Variants in UROC1 observed in about 807,000 individuals in gnomAD.
UROC1 encodes the protein urocanate hydratase 1.
UROC1 carries 79 observed loss-of-function variants against 89.5 expected under a neutral mutation model. The ratio of observed to expected loss-of-function variants is 0.88; its 90% CI spans 0.74 to 1.06. The LOEUF (loss-of-function observed/expected upper bound fraction) is 1.06. Ranked by LOEUF, UROC1 falls within the 50% of genes least tolerant of loss-of-function variation. The probability of loss-of-function intolerance (pLI) is 0.00; values close to 1 mark genes in which losing one functional copy is unlikely to be tolerated. For synonymous variants in UROC1, 361 were observed against 354.8 expected, an observed-to-expected ratio of 1.02 and a Z score of -0.20; for missense variants, 885 against 907.8, an observed-to-expected ratio of 0.97 and a Z score of 0.32.
chr3:126,500,915 CCTGGGCCCAGAGT>C, intron 10 of UROC1, 41 bp from the exon 11 acceptor site: 1 of 841,980 alleles, frequency 1.2e-6, no homozygotes, highest in Non-Finnish European at 1.7e-6. Flanking sequence ...CCACACACAG[CCTGGGCCCAGAGT>C]CTGGGGCCAG....
rs1445155004 is a variant in UROC1, at chr3:126,498,158, T to A, written c.1331A>T (p.Gln444Leu). Residue 444 changes from glutamine (Q) to leucine (L), a missense_variant, in exon 14 of 20, where the codon CAG (glutamine) becomes CTG (leucine). By Grantham distance (113) the Gln-to-Leu change is moderately radical (BLOSUM62 -2). Coordinates refer to ENST00000290868, the MANE Select transcript of UROC1 (RefSeq NM_144639.3). ...VQHIMGDIFS[Q>L]GFGPFRWVCT... The stretch of plus-strand genomic sequence containing the variant: ...CACCCAGCGGAAAGGCCCAAATCCC[T>A]GGGAGAATATGTCCCTGCAAGCACA... The A allele has an allele frequency of 1.2e-6, 2 of 1,614,086 alleles. No homozygotes were observed. Among genetic ancestry groups the A allele is most frequent in the Non-Finnish European group, 1.7e-6 (2 of 1,180,030 alleles).
Position 126,507,930 on chromosome 3 carries a change from C to A in UROC1, c.540+37G>T, listed in dbSNP as rs189022378. ...CAGCGTCTGCACCCTCTCTTTGGAG[C>A]CCTGGGCAGGTGCTGTGCCACCTGC... On this transcript the variant is annotated intron_variant, in intron 5 of 19. Transcript: ENST00000290868. The A allele has an allele frequency of 5.0e-4, 799 of 1,613,616 alleles. 4 individuals carry two copies. In the African/African-American group the frequency reaches 9.5e-3, roughly 19 times the overall value.
Position 126,483,486 on chromosome 3 carries a change from GTT to G in UROC1, c.1791-20_1791-19del. 6.2e-7 allele frequency: 1 copy of G among 1,610,808 alleles called. No individual in the cohort carries two copies. ...CCTCACCCCTGCAGGAGGCAGAGGA[GTT>G]TCCAGTTCATTCCTGGGGCCCAACA... On this transcript the variant is annotated intron_variant, in intron 18 of 19. Transcript: ENST00000290868.
At chr3:126,506,040 G>A in intron 6 of UROC1, 29 bp from the exon 7 acceptor site, 1 of 1,613,146 alleles carries the variant, frequency 6.2e-7, no homozygotes, top group Non-Finnish European at 8.5e-7. Context: ...GCCAAGCCCA[G>A]GGCTCAGCCA....
In UROC1 at chr3:126,483,454, T is replaced by C. The variant is rs1205348607; in HGVS notation, c.1805A>G (p.Asn602Ser). The C allele has an allele frequency of 2.5e-6, 4 of 1,613,858 alleles. No homozygotes were observed. The highest frequency in any genetic ancestry group is 3.4e-6 in the Non-Finnish European group (4 of 1,180,022). ...GTCCAGCACGAGGCCGAATCCCCCG[T>C]TGATCACCTCACCCCTGCAGGAGGC... ...GGGVGWGEVI[N>S]GGFGLVLDGT... The change falls in exon 19 of 20, where the codon AAC becomes AGC. Residue 602 changes from asparagine (N) to serine (S), a missense_variant. Transcript: ENST00000290868.
chr3:126,484,533 C>T (rs1935468567), intron 18 of UROC1, among the ~76,000 whole-genome samples: 1 of 152,196 alleles, frequency 6.6e-6, no homozygotes, highest in Non-Finnish European at 1.5e-5. Context: ...TGTCTCAAAT[C>T]CTTCAGGCCC....
In UROC1 at chr3:126,504,050, G is replaced by T; in HGVS notation, c.847C>A (p.Gln283Lys). 6.2e-7 allele frequency: 1 copy of T among 1,614,030 alleles called. No homozygotes were observed. The highest frequency in any genetic ancestry group is 8.5e-7 in the Non-Finnish European group (1 of 1,180,030). ...TCAGTCACTTCCATCAGCCAGCCCTGCCTGTGGCGTTTCTCAAGGGCTGCT... is the reference window on the plus strand; with the variant it reads ...TCAGTCACTTCCATCAGCCAGCCCTTCCTGTGGCGTTTCTCAAGGGCTGCT... Reference protein sequence around the residue: ...DKAALEKRHRQGWLMEVTDSL... With the variant: ...DKAALEKRHRKGWLMEVTDSL... Residue 283 changes from glutamine (Q) to lysine (K), a missense_variant, in exon 9 of 20, where the codon CAG (glutamine) becomes AAG (lysine). Transcript: ENST00000290868.
chr3:126,492,142 A>T (rs1412600217), intron 16 of UROC1, among the ~76,000 whole-genome samples: 1 of 151,908 alleles, frequency 6.6e-6, no homozygotes, highest in East Asian at 1.9e-4. Context: ...TCCCCAGCAG[A>T]GCCCTACTAC....
chr3:126,500,126 T>G lies in UROC1; in HGVS notation c.1174A>C (p.Arg392=). The change falls in exon 12 of 20, where the codon AGG becomes CGG. Residue 392 remains arginine (R), a synonymous_variant. Transcript: ENST00000290868. ...AAGAAGAACTTCTCCTCGGCCAACC[T>G]GTTGATGGCTGAGACTTGCCTCCTC... ...SLRRQVSAIN[R]LAEEKFFFWD... 6.2e-7 allele frequency: 1 copy of G among 1,613,840 alleles called. No homozygotes were observed. Among genetic ancestry groups the G allele is most frequent in the Non-Finnish European group, 8.5e-7 (1 of 1,179,944 alleles).
intron 1 of UROC1, among the ~76,000 whole-genome samples, chr3:126,515,494 C>G (rs1393843450): frequency 4.7e-4 from 66 of 140,732 alleles, no homozygotes; most frequent in African/African-American, 1.6e-3. Context: ...CTACCACCTA[C>G]CCCTTCCACT....
Position 126,501,091 on chromosome 3 carries a change from C to G in UROC1, c.965+127G>C, listed in dbSNP as rs1438493807. On this transcript the variant is annotated intron_variant, in intron 10 of 19. Transcript: ENST00000290868. ...AAGCTTGGGTAAGGGTGTGGGCCAACAAGGGTGGCGCTGAACTGGGGCTCA... is the reference window on the plus strand; with the variant it reads ...AAGCTTGGGTAAGGGTGTGGGCCAAGAAGGGTGGCGCTGAACTGGGGCTCA... 78 of 1,227,484 alleles carry G rather than the reference C, an allele frequency of 6.4e-5. No individual in the cohort carries two copies. In the East Asian group the frequency reaches 1.8e-3, roughly 29 times the overall value. 76.0% of individuals were successfully genotyped at this position (1,227,484 alleles called of 1,614,324 possible). A position where few individuals can be genotyped will look rare whatever the true frequency, so the allele number is the denominator to read the frequency against.
intron 13 of UROC1, among the ~76,000 whole-genome samples, chr3:126,498,888 C>T (rs923547168): frequency 3.3e-5 from 5 of 152,146 alleles, no homozygotes; most frequent in East Asian, 1.9e-4. Flanking sequence ...CTCTGGCTCC[C>T]GCCCTCATCC....
intron 14 of UROC1, 126 bp downstream of exon 14, chr3:126,497,923 CAA>C: frequency 1.9e-6 from 3 of 1,547,536 alleles, no homozygotes; most frequent in African/African-American, 1.4e-5. Context: ...ACCAGACTCA[CAA>C]AGTCATCTGC....
chr3:126,490,228 C>T (rs1282932675), intron 16 of UROC1, among the ~76,000 whole-genome samples: 2 of 152,188 alleles, frequency 1.3e-5, no homozygotes, highest in African/African-American at 4.8e-5. Flanking sequence ...GGCAGCACTC[C>T]TTGTTCCCCA....
At chr3:126,485,397 G>A (rs993202351) in intron 18 of UROC1, among the ~76,000 whole-genome samples, 1 of 151,948 alleles carries the variant, frequency 6.6e-6, no homozygotes, top group Non-Finnish European at 1.5e-5. Flanking sequence ...CTGTCCATCG[G>A]GGCATCATCC....
At chr3:126,499,481 A>C in intron 12 of UROC1, 72 bp from the exon 13 acceptor site, 9 of 1,431,738 alleles carry the variant, frequency 6.3e-6, no homozygotes, top group Middle Eastern at 1.7e-4. Flanking sequence ...CAACTTAAAC[A>C]CAGGGCCCAG....
intron 15 of UROC1, among the ~76,000 whole-genome samples, chr3:126,494,403 C>G (rs978120954): frequency 1.3e-5 from 2 of 152,212 alleles, no homozygotes; most frequent in Non-Finnish European, 2.9e-5. Context: ...CACCCCATCT[C>G]TGCACTGACC....
chr3:126,498,752 T>TTCTC (rs1935842416), intron 13 of UROC1, among the ~76,000 whole-genome samples: 1 of 152,126 alleles, frequency 6.6e-6, no homozygotes, highest in Admixed American at 6.5e-5. Flanking sequence ...GCATTTGCCT[T>TTCTC]TCTCACCTCC....
At chr3:126,503,834 C>T (rs116797636) in intron 9 of UROC1, among the ~76,000 whole-genome samples, 161 bp downstream of exon 9, 2,259 of 152,248 alleles carry the variant, frequency 0.015, 60 homozygotes, top group African/African-American at 0.046. Context: ...TGTGTGTGTG[C>T]GCATGTATAT....
Sources: allele counts gnomAD v4.1 joint callset (sites outside exome capture counted in the v4.1 genomes callset), GRCh38; gene constraint gnomAD v4.1.1; transcripts MANE v1.5; gene names NCBI Gene and HGNC (gene_info 2026-07-23, HGNC 2026-07-21).